The following SNX29 variants were observed in gnomAD, a reference collection of about 807,000 sequenced individuals.
The protein encoded by SNX29 is sorting nexin-29.
A neutral mutation model predicts 102.1 loss-of-function variants in SNX29; 78 were observed. The ratio of observed to expected loss-of-function variants is 0.76; its 90% CI spans 0.64 to 0.92. The LOEUF (loss-of-function observed/expected upper bound fraction) is 0.92. Ranked by LOEUF, SNX29 falls within the 40% of genes least tolerant of loss-of-function variation. The pLI is 0.00. For synonymous variants in SNX29, 580 were observed against 414.5 expected, an observed-to-expected ratio of 1.40 and a Z score of -4.85; for missense variants, 1,280 against 1,061.7, an observed-to-expected ratio of 1.21 and a Z score of -2.86.
At chr16:12,198,042 A>C (rs2076821260) in intron 13 of SNX29, among the ~76,000 whole-genome samples, 1 of 152,172 alleles carries the variant, frequency 6.6e-6, no homozygotes, top group Non-Finnish European at 1.5e-5. Flanking sequence ...TCCATCCGTA[A>C]ATAGACTGAG....
intron 15 of SNX29, among the ~76,000 whole-genome samples, chr16:12,354,689 T>TG (rs746394914): frequency 3.8e-4 from 58 of 152,128 alleles, no homozygotes; most frequent in Non-Finnish European, 7.6e-4. Context: ...AGGAAGCTCG[T>TG]GGGGGGTTTA....
At chr16:12,170,196 G>T (rs756589444) in intron 13 of SNX29, among the ~76,000 whole-genome samples, 8 of 152,046 alleles carry the variant, frequency 5.3e-5, no homozygotes, top group Non-Finnish European at 8.8e-5. Context: ...GAGAAGCCTG[G>T]CTCTAGATGG....
intron 18 of SNX29, among the ~76,000 whole-genome samples, chr16:12,445,335 C>G (rs559351262): frequency 3.9e-5 from 6 of 152,276 alleles, no homozygotes; most frequent in African/African-American, 1.4e-4. Context: ...TTTGCTGAGG[C>G]CTTATCGAGA....
chr16:11,989,203 C>T (rs950566362), intron 1 of SNX29, among the ~76,000 whole-genome samples: 2 of 152,122 alleles, frequency 1.3e-5, no homozygotes, highest in Admixed American at 6.6e-5. Flanking sequence ...GAACTCCTGA[C>T]CTCAAGTGAT....
chr16:12,516,341 G>T (rs1041896476), intron 19 of SNX29, among the ~76,000 whole-genome samples: 3 of 152,098 alleles, frequency 2.0e-5, no homozygotes, highest in South Asian at 4.2e-4. Context: ...TTAGCCAGAC[G>T]TGGTGGTGTG....
At chr16:12,226,591 GGA>G (rs2077617467) in intron 14 of SNX29, among the ~76,000 whole-genome samples, 1 of 57,108 alleles carries the variant, frequency 1.8e-5, no homozygotes, top group Non-Finnish European at 4.4e-5. Flanking sequence ...TTTTTTTTTT[GGA>G]GACAGAGTCT....
At chr16:12,025,255 T>A (rs575356151) in intron 3 of SNX29, among the ~76,000 whole-genome samples, 3 of 135,846 alleles carry the variant, frequency 2.2e-5, no homozygotes, top group African/African-American at 8.6e-5. Flanking sequence ...TGAGCCGAGA[T>A]TGTGCCATTG....
chr16:12,060,853 T>C (rs1409207918), intron 8 of SNX29: 1 of 456,154 alleles, frequency 2.2e-6, no homozygotes, highest in East Asian at 6.9e-5. Context: ...AAGGTGACAG[T>C]ATAACAGATC....
chr16:12,524,618 G>A, intron 19 of SNX29, 84 bp from the exon 20 acceptor site: 1 of 1,492,498 alleles, frequency 6.7e-7, no homozygotes, highest in Non-Finnish European at 9.0e-7. Flanking sequence ...GGATGGCGCT[G>A]ATGGGTGATC....
intron 18 of SNX29, among the ~76,000 whole-genome samples, chr16:12,452,488 G>A (rs776618826): frequency 2.6e-5 from 4 of 152,204 alleles, no homozygotes; most frequent in Non-Finnish European, 4.4e-5. Flanking sequence ...ACACCGCTCC[G>A]TAGAGACCAG....
intron 9 of SNX29, among the ~76,000 whole-genome samples, chr16:12,063,295 G>A (rs913273432): frequency 3.4e-5 from 5 of 149,094 alleles, no homozygotes; most frequent in Non-Finnish European, 5.9e-5. Flanking sequence ...GTGGGGTGCT[G>A]TCATCTTTCT....
At chr16:12,442,621 G>A (rs965197412) in intron 18 of SNX29, among the ~76,000 whole-genome samples, 4 of 150,554 alleles carry the variant, frequency 2.7e-5, no homozygotes, top group African/African-American at 4.9e-5. Flanking sequence ...GTCTCAGGCT[G>A]TCACCCAGAC....
intron 18 of SNX29, among the ~76,000 whole-genome samples, chr16:12,427,607 C>G (rs1442867295): frequency 1.3e-5 from 2 of 152,160 alleles, no homozygotes; most frequent in Admixed American, 1.3e-4. Flanking sequence ...AATCAAACAA[C>G]AGTGACCCAA....
Position 12,393,601 on chromosome 16 carries a change from G to A in SNX29, c.1900-4845G>A, listed in dbSNP as rs148381559. Among the ~76,000 whole-genome samples the A allele has an allele frequency of 2.0e-4, 31 of 152,246 alleles. No homozygotes were observed. The South Asian group carries it at 4.4e-3, about 21-fold the overall frequency. ...CATTACAAGCTGAAGAATGTGAACCGTAGAGGGTTACAGTGGAGACACTGT... is the reference window on the plus strand; with the variant it reads ...CATTACAAGCTGAAGAATGTGAACCATAGAGGGTTACAGTGGAGACACTGT... On this transcript the variant is annotated intron_variant, in intron 16 of 20. Coordinates refer to ENST00000566228, the MANE Select transcript of SNX29 (RefSeq NM_032167.5).
At chr16:12,306,606 C>G (rs927937692) in intron 15 of SNX29, among the ~76,000 whole-genome samples, 6 of 152,176 alleles carry the variant, frequency 3.9e-5, no homozygotes, top group Non-Finnish European at 7.4e-5. Context: ...TAACTACATT[C>G]CCTCCAGCGG....
In SNX29 at chr16:12,572,677, G is replaced by C. The variant is rs2079213043; in HGVS notation, c.*4048G>C. 2 of 1,063,642 alleles carry C rather than the reference G, an allele frequency of 1.9e-6. No homozygotes were observed. Among genetic ancestry groups the C allele is most frequent in the Admixed American group, 1.1e-4 (2 of 18,664 alleles). 65.9% of individuals were successfully genotyped at this position (1,063,642 alleles called of 1,614,324 possible). A position where few individuals can be genotyped will look rare whatever the true frequency, so the allele number is the denominator to read the frequency against. On this transcript the variant is annotated 3_prime_UTR_variant, in exon 21 of 21. Transcript: ENST00000566228. The stretch of plus-strand genomic sequence containing the variant: ...CTGTGTGAGCTGCAGCACCCACACG[G>C]GGGAAGCCCTGCACTCCAGCAGCAT...
In SNX29 at chr16:12,524,809, G is replaced by A. The variant is rs1260706049; in HGVS notation, c.2286G>A (p.Lys762=). 1.2e-6 allele frequency: 2 copies of A among 1,613,678 alleles called. No individual in the cohort carries two copies. Among genetic ancestry groups the A allele is most frequent in the South Asian group, 1.1e-5 (1 of 91,058 alleles). The change falls in exon 20 of 21, where the codon AAG becomes AAA. Residue 762 remains lysine (K), a synonymous_variant. Transcript: ENST00000566228. ...MVPEFAASPK[K]ETLIQLMPFF... ...CCGAGTTCGCTGCCAGCCCCAAGAAGGAGACCCTCATCCAGCTGATGCCCT... is the reference window on the plus strand; with the variant it reads ...CCGAGTTCGCTGCCAGCCCCAAGAAAGAGACCCTCATCCAGCTGATGCCCT...
intron 19 of SNX29, among the ~76,000 whole-genome samples, chr16:12,513,310 C>T (rs2151926037): frequency 6.7e-6 from 1 of 148,390 alleles, no homozygotes; most frequent in African/African-American, 2.5e-5. Context: ...CCCTCCTCTC[C>T]CCTTCTCTCC....
chr16:12,210,385 C>T (rs2077151892), intron 14 of SNX29, among the ~76,000 whole-genome samples: 1 of 150,830 alleles, frequency 6.6e-6, no homozygotes, highest in Non-Finnish European at 1.5e-5. Flanking sequence ...TGGAGCGCAG[C>T]TGGACGATCA....
Sources: gnomAD v4.1 joint callset for allele counts (sites outside exome capture counted in the v4.1 genomes callset) on GRCh38, gnomAD v4.1.1 for gene constraint, MANE v1.5 for transcripts, NCBI Gene and HGNC (gene_info 2026-07-23, HGNC 2026-07-21) for gene names.